The following SYT1 variants were observed in gnomAD, a reference collection of about 807,000 sequenced individuals.
SYT1 encodes the protein synaptotagmin 1, also known as synaptotagmin-1.
In SYT1, 8 loss-of-function variants were observed where a neutral mutation model predicts 44.8. That is an observed-to-expected ratio of 0.18 (90% CI 0.10 to 0.32). The LOEUF (loss-of-function observed/expected upper bound fraction) is 0.32. Ranked by LOEUF, SYT1 falls within the 10% of genes least tolerant of loss-of-function variation. The pLI is 1.00. For synonymous variants in SYT1, 154 were observed against 188.8 expected (o/e 0.82, Z 1.51); for missense variants, 286 against 509.3 (o/e 0.56, Z 4.22).
chr12:79,224,816 G>A (rs1298237597), intron 4 of SYT1, among the ~76,000 whole-genome samples: 1 of 149,848 alleles, frequency 6.7e-6, no homozygotes, highest in East Asian at 2.0e-4. Context: ...TTTCACTCTT[G>A]TTACCCAGGC....
chr12:79,415,379 C>T (rs1008531594), intron 9 of SYT1, among the ~76,000 whole-genome samples: 7 of 152,112 alleles, frequency 4.6e-5, no homozygotes, highest in African/African-American at 1.7e-4. Flanking sequence ...AGGGACTCCA[C>T]CAGGGCAATC....
intron 3 of SYT1, among the ~76,000 whole-genome samples, chr12:79,109,072 G>A (rs1448362491): frequency 6.6e-6 from 1 of 152,094 alleles, no homozygotes; most frequent in Non-Finnish European, 1.5e-5. Context: ...ACAAGGCCAG[G>A]GGCCCTGCTA....
chr12:79,269,167 C>T (rs529631651), intron 4 of SYT1, among the ~76,000 whole-genome samples: 6 of 150,550 alleles, frequency 4.0e-5, no homozygotes, highest in East Asian at 2.0e-4. Flanking sequence ...TACATTTGTT[C>T]GCTTAATCCT....
At chr12:79,289,777 G>T (rs7300645) in intron 5 of SYT1, among the ~76,000 whole-genome samples, 55,647 of 151,738 alleles carry the variant, frequency 0.37, 10,475 homozygotes, top group East Asian at 0.59. Flanking sequence ...GCAAATTACC[G>T]AAGCTGCAAT....
intron 2 of SYT1, among the ~76,000 whole-genome samples, chr12:79,010,508 A>T (rs1871345899): frequency 6.6e-6 from 1 of 152,120 alleles, no homozygotes; most frequent in Non-Finnish European, 1.5e-5. Context: ...GAAAGTGGGG[A>T]GAGGAGGTAT....
intron 3 of SYT1, among the ~76,000 whole-genome samples, chr12:79,179,103 TA>T (rs1565841250): frequency 1.5e-4 from 18 of 123,916 alleles, no homozygotes; most frequent in African/African-American, 5.1e-4. Context: ...TAGATATAGA[TA>T]TATAGATATA....
At chr12:79,390,630 CT>C (rs1884621247) in intron 9 of SYT1, among the ~76,000 whole-genome samples, 1 of 152,118 alleles carries the variant, frequency 6.6e-6, no homozygotes, top group South Asian at 2.1e-4. Context: ...GGGTTTAGCT[CT>C]TTTCTATGCA....
chr12:79,070,350 G>A (rs1392300561), intron 3 of SYT1, among the ~76,000 whole-genome samples: 1 of 152,090 alleles, frequency 6.6e-6, no homozygotes, highest in Non-Finnish European at 1.5e-5. Context: ...GAAATTAATG[G>A]CTAATTAATT....
chr12:79,368,525 G>T (rs922286583), intron 9 of SYT1, among the ~76,000 whole-genome samples: 3 of 136,530 alleles, frequency 2.2e-5, no homozygotes, highest in Non-Finnish European at 3.2e-5. Flanking sequence ...CAGTGTAAAA[G>T]TGTTCCTATT....
chr12:79,023,493 A>G (rs973875913), intron 2 of SYT1, among the ~76,000 whole-genome samples: 10 of 151,834 alleles, frequency 6.6e-5, no homozygotes, highest in African/African-American at 2.4e-4. Flanking sequence ...ATGGAGGAGC[A>G]TGCATTGGGA....
intron 1 of SYT1, among the ~76,000 whole-genome samples, chr12:78,878,691 G>A (rs1245781951): frequency 6.6e-6 from 1 of 151,744 alleles, no homozygotes; most frequent in Non-Finnish European, 1.5e-5. Flanking sequence ...TCACATGTGA[G>A]CTGTGAAATA....
At chr12:79,417,916 G>T (rs543176919) in intron 9 of SYT1, among the ~76,000 whole-genome samples, 11 of 152,100 alleles carry the variant, frequency 7.2e-5, no homozygotes, top group African/African-American at 2.7e-4. Context: ...GATGGGGCCC[G>T]ATGTTCTGCA....
chr12:79,365,876 A>G (rs1295408018), intron 9 of SYT1, among the ~76,000 whole-genome samples: 1 of 151,326 alleles, frequency 6.6e-6, no homozygotes, highest in Non-Finnish European at 1.5e-5. Context: ...GTAGATTTTC[A>G]TATTTTCATC....
intron 3 of SYT1, among the ~76,000 whole-genome samples, chr12:79,108,315 A>G (rs939176343): frequency 6.6e-6 from 1 of 152,190 alleles, no homozygotes; most frequent in African/African-American, 2.4e-5. Flanking sequence ...AAATATTTAC[A>G]TCCAATATAA....
chr12:79,334,921 C>A (rs147650255), intron 8 of SYT1, among the ~76,000 whole-genome samples: 1 of 152,196 alleles, frequency 6.6e-6, no homozygotes, highest in East Asian at 1.9e-4. Flanking sequence ...ATTAGGAGAG[C>A]CAGGAACATT....
intron 4 of SYT1, among the ~76,000 whole-genome samples, chr12:79,231,311 T>C (rs373466570): frequency 2.0e-5 from 3 of 152,148 alleles, no homozygotes; most frequent in East Asian, 1.9e-4. Context: ...CCCCAGCCTG[T>C]CTTTTGAGTG....
chr12:79,279,301 A>G (rs1878915911), intron 4 of SYT1, among the ~76,000 whole-genome samples: 1 of 152,132 alleles, frequency 6.6e-6, no homozygotes. Context: ...AATTCACCGC[A>G]ATCAAGTGGG....
At position 79,353,503 on chromosome 12, in the gene SYT1, A is replaced by C; in HGVS notation, c.812A>C (p.Gln271Pro). 6.2e-7 allele frequency: 1 copy of C among 1,611,036 alleles called. No individual in the cohort carries two copies. Among genetic ancestry groups the C allele is most frequent in the Non-Finnish European group, 8.5e-7 (1 of 1,177,208 alleles). Residue 271 changes from glutamine to proline, a missense_variant and splice_region_variant, in exon 9 of 11, where the codon CAA (glutamine) becomes CCA (proline). Around this residue, in one of 6 missense-constraint regions of SYT1, gnomAD observed 81 missense variants for 164.9 expected, o/e 0.49. Transcript: ENST00000261205. ...RDLQSAEKEE[Q>P]EKLGDICFSL... ...ATACTTTCTTATTGGTTTTCTTAGC[A>C]AGAGAAATTGGGTGATATCTGCTTC...
At chr12:79,214,048 A>G (rs527570434) in intron 3 of SYT1, among the ~76,000 whole-genome samples, 55 of 152,352 alleles carry the variant, frequency 3.6e-4, no homozygotes, top group African/African-American at 1.3e-3. Flanking sequence ...ATTTTCAAGA[A>G]CCAAGTAACT....
Sources: gnomAD v4.1 joint callset for allele counts (sites outside exome capture counted in the v4.1 genomes callset) on GRCh38, gnomAD v4.1.1 for gene constraint, gnomAD v4.1.1 regional missense constraint, MANE v1.5 for transcripts, NCBI Gene and HGNC (gene_info 2026-07-23, HGNC 2026-07-21) for gene names.